Variants in ADAM12 observed in about 807,000 individuals in gnomAD.
ADAM12 encodes the protein disintegrin and metalloproteinase domain-containing protein 12.
Under a neutral mutation model 106.4 loss-of-function variants are expected in ADAM12, and 70 were observed. The ratio of observed to expected loss-of-function variants is 0.66; its 90% confidence interval spans 0.54 to 0.80. The LOEUF is 0.80. ADAM12 is among the 30% of genes least tolerant of loss of function. ADAM12 has a pLI of 0.00. For synonymous variants in ADAM12, 420 were observed against 433.5 expected (o/e 0.97, Z 0.39); for missense variants, 1,010 against 1,171.9 (o/e 0.86, Z 2.02).
intron 6 of ADAM12, among the ~76,000 whole-genome samples, chr10:126,117,758 T>TGGGGGGGGGGGGGGGGGG (rs113203942): frequency 1.1e-5 from 1 of 90,686 alleles, no homozygotes; most frequent in Non-Finnish European, 2.1e-5. Context: ...GGGTAGAAGT[T>TGGGGGGGGGGGGGGGGGG]GGGGGGGCGT....
At chr10:126,255,028 C>T (rs1958863112) in intron 3 of ADAM12, among the ~76,000 whole-genome samples, 1 of 152,196 alleles carries the variant, frequency 6.6e-6, no homozygotes, top group Admixed American at 6.5e-5. Context: ...ACAGGGGCCA[C>T]CCTCGGAGCA....
intron 21 of ADAM12, among the ~76,000 whole-genome samples, chr10:126,026,851 C>A (rs560277763): frequency 6.6e-6 from 1 of 152,260 alleles, no homozygotes; most frequent in South Asian, 2.1e-4. Flanking sequence ...AACCTAACAT[C>A]ACAGCTAAAA....
At chr10:126,175,951 G>C (rs1200225195) in intron 3 of ADAM12, among the ~76,000 whole-genome samples, 1 of 152,176 alleles carries the variant, frequency 6.6e-6, no homozygotes, top group African/African-American at 2.4e-5. Context: ...TATGGGTCTC[G>C]TAAGGTCTCT....
chr10:126,211,526 CT>C lies in ADAM12; in HGVS notation c.261-56222del, dbSNP rs373522404. ...TGATCCTCGACCTGCCAGTAGCCATCTCTGGGTCCTGGACCATGTCATCCTG... is the reference window on the plus strand; with the variant it reads ...TGATCCTCGACCTGCCAGTAGCCATCCTGGGTCCTGGACCATGTCATCCTG... On this transcript the variant is annotated intron_variant, in intron 3 of 22. Transcript: ENST00000448723. Among the ~76,000 whole-genome samples, 343 of 152,282 alleles carry C rather than the reference CT, an allele frequency of 2.3e-3. 3 individuals carry two copies. The highest frequency in any genetic ancestry group is 8.0e-3 in the African/African-American group (332 of 41,570).
intron 2 of ADAM12, among the ~76,000 whole-genome samples, chr10:126,321,909 G>T (rs567522649): frequency 2.1e-5 from 3 of 143,232 alleles, no homozygotes; most frequent in Non-Finnish European, 3.1e-5. Context: ...GGGGGTCGGG[G>T]GGGGGGCTTC....
intron 3 of ADAM12, among the ~76,000 whole-genome samples, chr10:126,254,552 C>T (rs190600633): frequency 2.7e-4 from 41 of 152,340 alleles, no homozygotes; most frequent in Middle Eastern, 6.8e-3. Flanking sequence ...CAGAGTCCAC[C>T]TGCACAGGTG....
At chr10:126,366,133 T>TA (rs945139063) in intron 1 of ADAM12, among the ~76,000 whole-genome samples, 1 of 151,948 alleles carries the variant, frequency 6.6e-6, no homozygotes, top group South Asian at 2.1e-4. Flanking sequence ...CAAATATGTA[T>TA]AAAAAAATCT....
At chr10:126,250,000 G>A (rs1958713815) in intron 3 of ADAM12, among the ~76,000 whole-genome samples, 2 of 152,112 alleles carry the variant, frequency 1.3e-5, no homozygotes, top group African/African-American at 2.4e-5. Context: ...GATAAACACT[G>A]GCTAGAAGAA....
chr10:126,191,736 C>T lies in ADAM12; in HGVS notation c.261-36431G>A, dbSNP rs933662419. On this transcript the variant is annotated intron_variant, in intron 3 of 22. Coordinates refer to ENST00000448723, the MANE Select transcript of ADAM12 (RefSeq NM_001288973.2). ...GGTTTGAGAAAGTAGAACTCGGGAGCCAGCAAGCTCGAATTTAAATCTTGG... is the reference window on the plus strand; with the variant it reads ...GGTTTGAGAAAGTAGAACTCGGGAGTCAGCAAGCTCGAATTTAAATCTTGG... 2.0e-5 allele frequency among the ~76,000 whole-genome samples: 3 copies of T among 152,264 alleles called. No homozygotes were observed. In the East Asian group the frequency reaches 5.8e-4, roughly 29 times the overall value.
intron 3 of ADAM12, among the ~76,000 whole-genome samples, chr10:126,259,817 T>G (rs560879000): frequency 2.0e-5 from 3 of 152,338 alleles, no homozygotes; most frequent in Admixed American, 6.5e-5. Flanking sequence ...GGGCCAAACA[T>G]CTAACACTGA....
chr10:126,187,907 T>C (rs928007488), intron 3 of ADAM12, among the ~76,000 whole-genome samples: 2 of 152,336 alleles, frequency 1.3e-5, no homozygotes, highest in Non-Finnish European at 2.9e-5. Flanking sequence ...GAGCCTGACA[T>C]TCCTGCAGAT....
intron 2 of ADAM12, among the ~76,000 whole-genome samples, chr10:126,322,138 T>C (rs1176197323): frequency 3.9e-5 from 6 of 152,224 alleles, no homozygotes; most frequent in Non-Finnish European, 8.8e-5. Context: ...GATACTAAAT[T>C]CAAATTTCAA....
chr10:126,071,444 T>G (rs1954988010), intron 12 of ADAM12, 33 bp downstream of exon 12: 2 of 1,606,094 alleles, frequency 1.2e-6, no homozygotes, highest in African/African-American at 2.7e-5. Context: ...GATACAAGTC[T>G]TCTTGTATCC....
At chr10:126,240,910 C>T (rs1341497979) in intron 3 of ADAM12, among the ~76,000 whole-genome samples, 1 of 152,244 alleles carries the variant, frequency 6.6e-6, no homozygotes, top group East Asian at 1.9e-4. Context: ...AAAGACCTTC[C>T]TTCTGTAGCT....
intron 1 of ADAM12, among the ~76,000 whole-genome samples, chr10:126,360,254 G>T (rs955251653): frequency 2.0e-5 from 3 of 152,060 alleles, no homozygotes; most frequent in African/African-American, 7.2e-5. Flanking sequence ...CATTGTCTTG[G>T]GATTAACATT....
chr10:126,192,167 T>C (rs979215362), intron 3 of ADAM12, among the ~76,000 whole-genome samples: 3 of 152,234 alleles, frequency 2.0e-5, no homozygotes, highest in Non-Finnish European at 2.9e-5. Flanking sequence ...TCACTAGCTA[T>C]GTGCCTTTGG....
chr10:126,120,934 A>ATATATTACATATGTAATATATTATATAT (rs1956075147), intron 5 of ADAM12, among the ~76,000 whole-genome samples: 1 of 137,398 alleles, frequency 7.3e-6, no homozygotes, highest in South Asian at 2.1e-4. Flanking sequence ...ATTATATATT[A>ATATATTACATATGTAATATATTATATAT]TATATTACAT....
At chr10:126,348,943 A>C (rs909010283) in intron 1 of ADAM12, among the ~76,000 whole-genome samples, 1 of 152,242 alleles carries the variant, frequency 6.6e-6, no homozygotes, top group Non-Finnish European at 1.5e-5. Context: ...GTCCTGTTTT[A>C]TCTGGCAATC....
intron 1 of ADAM12, among the ~76,000 whole-genome samples, chr10:126,362,903 G>C (rs1163794054): frequency 6.6e-6 from 1 of 152,118 alleles, no homozygotes; most frequent in Non-Finnish European, 1.5e-5. Context: ...ATAACAGTGT[G>C]TTGTACATTT....
Sources: gnomAD v4.1 joint callset for allele counts (sites outside exome capture counted in the v4.1 genomes callset) on GRCh38, gnomAD v4.1.1 for gene constraint, MANE v1.5 for transcripts, NCBI Gene and HGNC (gene_info 2026-07-23, HGNC 2026-07-21) for gene names.